Variants in STK32B observed in about 807,000 individuals in gnomAD.
The protein encoded by STK32B is serine/threonine-protein kinase 32B.
Under a neutral mutation model 52.6 loss-of-function variants are expected in STK32B, and 43 were observed. The ratio of observed to expected loss-of-function variants is 0.82; its 90% CI spans 0.64 to 1.05. The LOEUF is 1.05. STK32B is among the 50% of genes least tolerant of loss of function. STK32B has a pLI of 0.00. For synonymous variants in STK32B, 238 were observed against 204.3 expected, an observed-to-expected ratio of 1.17 and a Z score of -1.41; for missense variants, 621 against 534.6, an observed-to-expected ratio of 1.16 and a Z score of -1.59.
intron 3 of STK32B, among the ~76,000 whole-genome samples, chr4:5,276,197 G>A (rs1225476631): frequency 1.3e-5 from 2 of 152,036 alleles, no homozygotes; most frequent in South Asian, 2.1e-4. Flanking sequence ...GCTTAGGCAG[G>A]AGAATCACTT....
intron 6 of STK32B, among the ~76,000 whole-genome samples, chr4:5,426,290 C>T (rs545245031): frequency 9.9e-5 from 15 of 152,082 alleles, no homozygotes; most frequent in African/African-American, 2.9e-4. Flanking sequence ...ATAGGTCAGT[C>T]GTGATTTCAG....
chr4:5,169,913 A>G (rs1719221960), intron 3 of STK32B, among the ~76,000 whole-genome samples: 1 of 152,200 alleles, frequency 6.6e-6, no homozygotes, highest in Non-Finnish European at 1.5e-5. Context: ...TTTCATATCA[A>G]TGACATATAA....
At chr4:5,084,857 A>C (rs1375626652) in intron 1 of STK32B, among the ~76,000 whole-genome samples, 1 of 152,200 alleles carries the variant, frequency 6.6e-6, no homozygotes, top group Non-Finnish European at 1.5e-5. Context: ...AGACACTAAA[A>C]TATAGAAGCT....
At position 5,168,460 on chromosome 4, in the gene STK32B, G is replaced by A. The variant is rs753188345; in HGVS notation, c.260+10G>A. On this transcript the variant is annotated intron_variant, in intron 3 of 11. Coordinates refer to ENST00000282908, the MANE Select transcript of STK32B (RefSeq NM_018401.3). ...TCCTGGTCAATCTGTGGTGAGTGTG[G>A]CTCCATCCAGGGCTCCTGTGGGTTC... 1 of 1,609,372 alleles carries A rather than the reference G, an allele frequency of 6.2e-7. No individual in the cohort carries two copies. The highest frequency in any genetic ancestry group is 1.7e-4 in the Middle Eastern group (1 of 5,796).
intron 3 of STK32B, among the ~76,000 whole-genome samples, chr4:5,295,662 C>T (rs1482428465): frequency 6.6e-6 from 1 of 151,994 alleles, no homozygotes; most frequent in Non-Finnish European, 1.5e-5. Context: ...ATTCTTCTCT[C>T]TTTTCCTCTT....
At chr4:5,312,858 C>G (rs1259717549) in intron 3 of STK32B, among the ~76,000 whole-genome samples, 1 of 152,032 alleles carries the variant, frequency 6.6e-6, no homozygotes, top group Non-Finnish European at 1.5e-5. Context: ...TGAGGAATTG[C>G]CACAGTGACT....
intron 7 of STK32B, 131 bp downstream of exon 7, chr4:5,446,907 T>C: frequency 1.3e-6 from 1 of 775,830 alleles, no homozygotes; most frequent in Non-Finnish European, 2.1e-6. Context: ...CCCCCAGGTT[T>C]CAGTCCTGAT....
At chr4:5,492,503 C>A (rs1276328910) in intron 11 of STK32B, among the ~76,000 whole-genome samples, 2 of 151,900 alleles carry the variant, frequency 1.3e-5, no homozygotes, top group African/African-American at 4.8e-5. Flanking sequence ...TCTAGATATA[C>A]AATCATGTCG....
intron 3 of STK32B, among the ~76,000 whole-genome samples, chr4:5,264,620 A>G (rs1726940578): frequency 6.9e-6 from 1 of 145,748 alleles, no homozygotes; most frequent in South Asian, 2.2e-4. Flanking sequence ...CCCTGTCTCT[A>G]CTAAAAATAA....
At chr4:5,291,182 A>G (rs1577301198) in intron 3 of STK32B, among the ~76,000 whole-genome samples, 2 of 152,166 alleles carry the variant, frequency 1.3e-5, no homozygotes, top group Non-Finnish European at 2.9e-5. Context: ...GAATTTTAAT[A>G]CCAGCCAGCA....
intron 3 of STK32B, among the ~76,000 whole-genome samples, chr4:5,229,769 C>G (rs1472177889): frequency 6.6e-6 from 1 of 151,952 alleles, no homozygotes; most frequent in Non-Finnish European, 1.5e-5. Flanking sequence ...CCTAAACGAA[C>G]ACAAAACTAA....
intron 2 of STK32B, among the ~76,000 whole-genome samples, chr4:5,159,806 T>TGA (rs1332415639): frequency 2.0e-5 from 3 of 148,846 alleles, no homozygotes; most frequent in African/African-American, 7.4e-5. Flanking sequence ...TATGAATATA[T>TGA]ATATGTTATT....
At chr4:5,322,606 G>C (rs1298775056) in intron 3 of STK32B, among the ~76,000 whole-genome samples, 1 of 152,194 alleles carries the variant, frequency 6.6e-6, no homozygotes, top group East Asian at 1.9e-4. Flanking sequence ...GGAGAAAGGT[G>C]GCTGTTTCAA....
rs762431140 is a variant in STK32B, at chr4:5,460,160, C to T, written c.841C>T (p.Pro281Ser). The T allele has an allele frequency of 3.1e-6, 5 of 1,614,032 alleles. No homozygotes were observed. Among genetic ancestry groups the T allele is most frequent in the African/African-American group, 2.7e-5 (2 of 74,912 alleles). ...CAGCCTTCATGACATACAGAGCGTGCCCTACTTGGCCGACATGAACTGGGA... is the reference window on the plus strand; with the variant it reads ...CAGCCTTCATGACATACAGAGCGTGTCCTACTTGGCCGACATGAACTGGGA... The part of the protein sequence containing the change: ...VSSLHDIQSV[P>S]YLADMNWDAV... The change falls in exon 9 of 12, where the codon CCC becomes TCC. Residue 281 changes from proline to serine, a missense_variant. Physicochemically the swap from Pro to Ser is moderately conservative, Grantham distance 74. Transcript: ENST00000282908. The surrounding 1 kb of genome is among the most constrained non-coding windows in gnomAD (Gnocchi z 4.8).
intron 3 of STK32B, among the ~76,000 whole-genome samples, chr4:5,249,226 C>G (rs1725702807): frequency 6.6e-6 from 1 of 152,092 alleles, no homozygotes; most frequent in South Asian, 2.1e-4. Flanking sequence ...TTCATTAACT[C>G]AGTTCTCAAA....
intron 1 of STK32B, among the ~76,000 whole-genome samples, chr4:5,096,764 C>G (rs1226055929): frequency 6.6e-6 from 1 of 152,130 alleles, no homozygotes; most frequent in Non-Finnish European, 1.5e-5. Context: ...TCAGAGACCC[C>G]CAAAGAAAGA....
intron 5 of STK32B, among the ~76,000 whole-genome samples, chr4:5,404,460 G>A (rs143325095): frequency 9.2e-5 from 14 of 152,222 alleles, no homozygotes; most frequent in African/African-American, 3.1e-4. Flanking sequence ...ATATAAGCAA[G>A]TATTAGTTAT....
At chr4:5,182,615 C>G (rs1234465722) in intron 3 of STK32B, among the ~76,000 whole-genome samples, 3 of 152,058 alleles carry the variant, frequency 2.0e-5, no homozygotes, top group Non-Finnish European at 4.4e-5. Flanking sequence ...GTGGCCGCCA[C>G]CATGCCTGGC....
the STK32B span, among the ~76,000 whole-genome samples, chr4:5,037,369 T>G: frequency 6.6e-6 from 1 of 152,206 alleles, no homozygotes; most frequent in Non-Finnish European, 1.5e-5. Flanking sequence ...GGTACTTTGA[T>G]TCAAAGCTCA....
Sources: gnomAD v4.1 joint callset for allele counts (sites outside exome capture counted in the v4.1 genomes callset) on GRCh38, gnomAD v4.1.1 for gene constraint, Gnocchi (gnomAD v3.1) non-coding constraint, MANE v1.5 for transcripts, NCBI Gene and HGNC (gene_info 2026-07-23, HGNC 2026-07-21) for gene names.